The following PARD3B variants were observed in gnomAD, a reference collection of about 807,000 sequenced individuals.
The protein encoded by PARD3B is partitioning defective 3 homolog B.
Under a neutral mutation model 130.2 loss-of-function variants are expected in PARD3B, and 103 were observed. The ratio of observed to expected loss-of-function variants is 0.79; its 90% CI spans 0.67 to 0.93. The LOEUF (loss-of-function observed/expected upper bound fraction) is 0.93. Among genes scored for constraint, PARD3B ranks in the 40% least tolerant of loss-of-function variants. The pLI is 0.00. For missense variants in PARD3B, 1,609 were observed against 1,499.2 expected (o/e 1.07, Z -1.21); for synonymous variants, 583 against 553.2 (o/e 1.05, Z -0.76).
In PARD3B at chr2:205,279,070, C is replaced by CAAA. The variant is rs57717513; in HGVS notation, c.2186-21436_2186-21434dup. On this transcript the variant is annotated intron_variant, in intron 16 of 22. Transcript: ENST00000406610. ...TGGATGACAGAGCAAGAATCTGTCT[C>CAAA]AAAAAAAAAAAAAAAAAAAAAAAAA... Among the ~76,000 whole-genome samples, 207 of 38,866 alleles carry CAAA rather than the reference C, an allele frequency of 5.3e-3. 53 individuals are homozygous for CAAA. The highest frequency in any genetic ancestry group is 9.4e-3 in the African/African-American group (98 of 10,376). The allele number at this position is 38,866 out of a possible 152,430, so 25.5% of individuals were successfully genotyped here. A position where few individuals can be genotyped will look rare whatever the true frequency, so the allele number is the denominator to read the frequency against.
intron 20 of PARD3B, among the ~76,000 whole-genome samples, chr2:205,482,240 A>T (rs2049265032): frequency 6.6e-6 from 1 of 152,226 alleles, no homozygotes; most frequent in Non-Finnish European, 1.5e-5. Flanking sequence ...CTAAAGAGAC[A>T]GTGAAAGAAA....
chr2:204,846,772 G>A (rs1202112390), intron 2 of PARD3B, among the ~76,000 whole-genome samples: 1 of 151,400 alleles, frequency 6.6e-6, no homozygotes, highest in African/African-American at 2.4e-5. Flanking sequence ...CTTGTTGGAT[G>A]AATGCATTGC....
At chr2:205,067,097 T>C (rs1700437234) in intron 4 of PARD3B, among the ~76,000 whole-genome samples, 1 of 59,958 alleles carries the variant, frequency 1.7e-5, no homozygotes, top group African/African-American at 5.5e-5. Context: ...TTACTAGGCT[T>C]TTTTTTTTTT....
intron 2 of PARD3B, among the ~76,000 whole-genome samples, chr2:204,791,547 C>G (rs905501739): frequency 3.9e-5 from 6 of 152,208 alleles, no homozygotes; most frequent in African/African-American, 1.4e-4. Flanking sequence ...TTGGATGAAT[C>G]TCAGAAACCA....
chr2:204,582,714 A>G (rs898072302), intron 1 of PARD3B, among the ~76,000 whole-genome samples: 7 of 152,140 alleles, frequency 4.6e-5, no homozygotes, highest in African/African-American at 9.7e-5. Context: ...GTTAGAAGGG[A>G]GGTTTTCTAT....
intron 21 of PARD3B, among the ~76,000 whole-genome samples, chr2:205,540,449 T>C (rs1267369376): frequency 1.3e-5 from 2 of 152,226 alleles, no homozygotes; most frequent in African/African-American, 4.8e-5. Context: ...ACATTCATTT[T>C]ATGTATTTTT....
At chr2:205,002,801 A>T (rs1039157959) in intron 3 of PARD3B, among the ~76,000 whole-genome samples, 19 of 152,154 alleles carry the variant, frequency 1.2e-4, no homozygotes, top group African/African-American at 4.6e-4. Context: ...CAATGGGCGG[A>T]TTATTTTTCT....
chr2:205,199,225 T>G (rs2036856099), intron 15 of PARD3B, among the ~76,000 whole-genome samples: 1 of 152,116 alleles, frequency 6.6e-6, no homozygotes, highest in African/African-American at 2.4e-5. Flanking sequence ...GCTTGCTGCC[T>G]GTACCTAGAT....
intron 2 of PARD3B, among the ~76,000 whole-genome samples, chr2:204,782,516 GTA>G (rs2041874772): frequency 6.7e-6 from 1 of 149,696 alleles, no homozygotes; most frequent in Non-Finnish European, 1.5e-5. Context: ...TATATAGTAT[GTA>G]TGTAATCGGT....
At chr2:205,077,218 G>A (rs1227468740) in intron 4 of PARD3B, among the ~76,000 whole-genome samples, 1 of 152,094 alleles carries the variant, frequency 6.6e-6, no homozygotes, top group Non-Finnish European at 1.5e-5. Flanking sequence ...AAAAGCCACA[G>A]GTACTTGAAA....
At chr2:205,513,689 G>A (rs771373814) in intron 21 of PARD3B, among the ~76,000 whole-genome samples, 5 of 152,034 alleles carry the variant, frequency 3.3e-5, no homozygotes, top group Non-Finnish European at 7.4e-5. Context: ...ATTAATTAAT[G>A]TGGTAGACCT....
At chr2:205,134,999 A>G (rs12463692) in intron 10 of PARD3B, among the ~76,000 whole-genome samples, 144,529 of 152,278 alleles carry the variant, frequency 0.95, 68,870 homozygotes, top group East Asian at 1. Context: ...TGCAAAGTTA[A>G]CAGTGAAGAG....
At chr2:204,855,238 C>CAT (rs2044875676) in intron 2 of PARD3B, among the ~76,000 whole-genome samples, 1 of 152,116 alleles carries the variant, frequency 6.6e-6, no homozygotes, top group Non-Finnish European at 1.5e-5. Flanking sequence ...TACATGATCA[C>CAT]ATGTAACCTG....
intron 18 of PARD3B, among the ~76,000 whole-genome samples, chr2:205,380,934 G>GAATATATATAATATATAAAT (rs1553499139): frequency 0.65 from 52,900 of 81,318 alleles, 19,530 homozygotes; most frequent in South Asian, 0.81. Flanking sequence ...AATATATAAA[G>GAATATATATAATATATAAAT]AATATATATA....
rs1553560828 is a variant in PARD3B at position 205,607,831 on chromosome 2, T to TACACCCATACAC, written c.3261-7621_3261-7620insCCATACACACAC. 3.2e-3 allele frequency among the ~76,000 whole-genome samples: 371 copies of TACACCCATACAC among 116,214 alleles called. 1 individual carries two copies. Among genetic ancestry groups the TACACCCATACAC allele is most frequent in the African/African-American group, 0.014 (354 of 24,556 alleles). 76.2% of individuals were successfully genotyped at this position (116,214 alleles called of 152,430 possible). A position where few individuals can be genotyped will look rare whatever the true frequency, so the allele number is the denominator to read the frequency against. On this transcript the variant is annotated intron_variant, in intron 22 of 22. Coordinates refer to ENST00000406610, the MANE Select transcript of PARD3B (RefSeq NM_001302769.2). ...TGGAGGCCCTCTCCCCCAACACCCA[T>TACACCCATACAC]ACACACACACACACACACACACACA... is the stretch of plus-strand genomic sequence containing the variant.
rs562907982 is a variant in PARD3B, at chr2:205,316,043, A to G, written c.2630+14342A>G. ...AATGTTTTTCTCTGTTTTGGCCCCT[A>G]ATAATCTTTTGCTGAATGACTGACT... On this transcript the variant is annotated intron_variant, in intron 18 of 22. Coordinates refer to ENST00000406610, the MANE Select transcript of PARD3B (RefSeq NM_001302769.2). Among the ~76,000 whole-genome samples the G allele has an allele frequency of 4.6e-5, 7 of 152,156 alleles. No homozygotes were observed. In the East Asian group the frequency reaches 1.4e-3, roughly 29 times the overall value.
chr2:204,924,161 A>G (rs999171335), intron 2 of PARD3B, among the ~76,000 whole-genome samples: 5 of 151,998 alleles, frequency 3.3e-5, no homozygotes, highest in African/African-American at 1.2e-4. Flanking sequence ...TGACTGTGCA[A>G]CCAAAACAGT....
At chr2:204,718,189 A>G (rs1292683216) in intron 2 of PARD3B, among the ~76,000 whole-genome samples, 1 of 150,978 alleles carries the variant, frequency 6.6e-6, no homozygotes, top group African/African-American at 2.4e-5. Flanking sequence ...GTCGTGGGGG[A>G]TGGGAGGAGT....
chr2:204,955,681 G>A (rs767157276), intron 2 of PARD3B, among the ~76,000 whole-genome samples: 102 of 152,112 alleles, frequency 6.7e-4, no homozygotes, highest in Non-Finnish European at 1.4e-3. Context: ...TTTATCATAG[G>A]ATTTCTTATG....
Sources: gnomAD v4.1 joint callset for allele counts (sites outside exome capture counted in the v4.1 genomes callset) on GRCh38, gnomAD v4.1.1 for gene constraint, MANE v1.5 for transcripts, NCBI Gene and HGNC (gene_info 2026-07-23, HGNC 2026-07-21) for gene names.